NRXN1: variants seen among roughly 807,000 people sequenced by gnomAD.
NRXN1 encodes neurexin-1.
In NRXN1, 39 loss-of-function variants were observed where a neutral mutation model predicts 150.9. The observed-to-expected ratio is 0.26, with a 90% CI of 0.20 to 0.34. The LOEUF (loss-of-function observed/expected upper bound fraction) is 0.34, where lower values mean the gene tolerates loss of function less well. Ranked by LOEUF, NRXN1 falls within the 10% of genes least tolerant of loss-of-function variation. The probability of loss-of-function intolerance (pLI) is 1.00; values close to 1 mark genes in which losing one functional copy is unlikely to be tolerated. For missense variants in NRXN1, 1,815 were observed against 1,949.9 expected, an observed-to-expected ratio of 0.93 and a Z score of 1.30; for synonymous variants, 924 against 757.0, an observed-to-expected ratio of 1.22 and a Z score of -3.62.
chr2:50,531,502 T>C, intron 10 of NRXN1, 72 bp from the exon 11 acceptor site: 7 of 1,069,496 alleles, frequency 6.5e-6, no homozygotes, highest in Non-Finnish European at 9.7e-6. Context: ...AGGAAAAGGA[T>C]CATTTATTAT....
At chr2:50,164,201 C>G (rs759156846) in intron 18 of NRXN1, among the ~76,000 whole-genome samples, 8 of 152,020 alleles carry the variant, frequency 5.3e-5, no homozygotes, top group Non-Finnish European at 1.2e-4. Context: ...TACATTCCAG[C>G]TAAGAATTTA....
chr2:50,503,441 G>A (rs2092057058), intron 13 of NRXN1, among the ~76,000 whole-genome samples: 2 of 151,598 alleles, frequency 1.3e-5, no homozygotes, highest in African/African-American at 4.8e-5. Context: ...AAAAACATTT[G>A]CGCACCAAAA....
intron 17 of NRXN1, among the ~76,000 whole-genome samples, chr2:50,317,689 C>G (rs779343931): frequency 2.6e-5 from 4 of 151,540 alleles, no homozygotes; most frequent in South Asian, 2.1e-4. Context: ...AAAGTAAAAC[C>G]ATGGCAAACA....
intron 17 of NRXN1, among the ~76,000 whole-genome samples, chr2:50,239,152 AT>A (rs1339533477): frequency 1.3e-5 from 2 of 151,816 alleles, no homozygotes; most frequent in Non-Finnish European, 2.9e-5. Flanking sequence ...CTGCCTGGTA[AT>A]TTTTGCAAAT....
chr2:50,502,222 A>AGAAG (rs75040358), intron 13 of NRXN1, among the ~76,000 whole-genome samples: 118 of 151,208 alleles, frequency 7.8e-4, no homozygotes, highest in African/African-American at 1.9e-3. Context: ...AAGAAAGGAA[A>AGAAG]GAAGGAAGGA....
intron 8 of NRXN1, among the ~76,000 whole-genome samples, chr2:50,575,891 C>T (rs553649730): frequency 1.3e-5 from 2 of 152,144 alleles, no homozygotes; most frequent in African/African-American, 2.4e-5. Flanking sequence ...TGCCCTCTCT[C>T]GTAACCAGAA....
intron 8 of NRXN1, among the ~76,000 whole-genome samples, chr2:50,560,262 T>A (rs1300069115): frequency 6.6e-6 from 1 of 152,116 alleles, no homozygotes; most frequent in East Asian, 1.9e-4. Context: ...TTTCTGGGAA[T>A]GTCACTCCAT....
chr2:49,972,151 A>G (rs965115795), intron 21 of NRXN1, among the ~76,000 whole-genome samples: 1 of 152,194 alleles, frequency 6.6e-6, no homozygotes, highest in African/African-American at 2.4e-5. Flanking sequence ...GAATTTTGTA[A>G]GAGTCATTAA....
At chr2:50,374,530 T>C (rs1558622275) in intron 17 of NRXN1, among the ~76,000 whole-genome samples, 2 of 152,012 alleles carry the variant, frequency 1.3e-5, no homozygotes, top group Non-Finnish European at 2.9e-5. Flanking sequence ...GTCAAGATGT[T>C]CACTGCTGTA....
chr2:50,579,260 G>C (rs537769162), intron 8 of NRXN1, among the ~76,000 whole-genome samples: 87 of 152,222 alleles, frequency 5.7e-4, no homozygotes, highest in Non-Finnish European at 9.9e-4. Flanking sequence ...GTCTAGGATG[G>C]GATTGATTAC....
At chr2:49,988,713 A>G (rs1681398159) in intron 21 of NRXN1, among the ~76,000 whole-genome samples, 1 of 152,078 alleles carries the variant, frequency 6.6e-6, no homozygotes. Context: ...AAATTTGGGA[A>G]GCAAGATAAT....
At chr2:50,398,293 T>C (rs1254534429) in intron 17 of NRXN1, among the ~76,000 whole-genome samples, 1 of 152,174 alleles carries the variant, frequency 6.6e-6, no homozygotes, top group African/African-American at 2.4e-5. Flanking sequence ...TACTAAAGTT[T>C]ACTGGCTATT....
chr2:50,460,125 G>A (rs984875414), intron 17 of NRXN1, among the ~76,000 whole-genome samples: 1 of 152,086 alleles, frequency 6.6e-6, no homozygotes, highest in African/African-American at 2.4e-5. Context: ...GCTGGGCTCT[G>A]GTGAGATAGG....
chr2:50,682,645 C>T (rs935388414), intron 5 of NRXN1, among the ~76,000 whole-genome samples: 1 of 152,026 alleles, frequency 6.6e-6, no homozygotes, highest in African/African-American at 2.4e-5. Flanking sequence ...GCAATATTGT[C>T]CTCATTATCA....
chr2:50,815,812 T>A (rs1181922191), intron 5 of NRXN1, among the ~76,000 whole-genome samples: 1 of 152,190 alleles, frequency 6.6e-6, no homozygotes, highest in Non-Finnish European at 1.5e-5. Context: ...TTGTTTTGCA[T>A]AGTCATAGAA....
intron 21 of NRXN1, among the ~76,000 whole-genome samples, chr2:49,951,851 C>T (rs1046306644): frequency 2.0e-5 from 3 of 151,850 alleles, no homozygotes; most frequent in Non-Finnish European, 2.9e-5. Flanking sequence ...AAATCCCTTT[C>T]GGTAAAAGGC....
rs541591073 is a variant in NRXN1, at chr2:50,975,903, T to C, written c.773-49948A>G. ...GGGAAGAAGAAATTGTGTTTTGTTC[T>C]CTAAGATTGCTCACTGTTAGGAAGG... On this transcript the variant is annotated intron_variant, in intron 2 of 22. Transcript: ENST00000401669. 2.6e-5 allele frequency among the ~76,000 whole-genome samples: 4 copies of C among 152,200 alleles called. No individual in the cohort carries two copies. In the South Asian group the frequency reaches 8.3e-4, roughly 32 times the overall value.
intron 21 of NRXN1, among the ~76,000 whole-genome samples, chr2:50,019,880 G>A (rs754961213): frequency 2.8e-5 from 4 of 144,156 alleles, no homozygotes; most frequent in Admixed American, 1.4e-4. Flanking sequence ...CCCGGGAGGC[G>A]GAGCTTGCAG....
At chr2:50,542,347 G>A (rs569109484) in intron 9 of NRXN1, among the ~76,000 whole-genome samples, 1 of 152,088 alleles carries the variant, frequency 6.6e-6, no homozygotes, top group East Asian at 1.9e-4. Context: ...GAAAGAAAAA[G>A]GGATATAATC....
Sources: gnomAD v4.1 joint callset for allele counts (sites outside exome capture counted in the v4.1 genomes callset) on GRCh38, gnomAD v4.1.1 for gene constraint, MANE v1.5 for transcripts, NCBI Gene and HGNC (gene_info 2026-07-23, HGNC 2026-07-21) for gene names.